The following UBE4B variants were observed in gnomAD, a reference collection of about 807,000 sequenced individuals.
The protein encoded by UBE4B is ubiquitin conjugation factor E4 B.
In UBE4B, 27 loss-of-function variants were observed where a neutral mutation model predicts 148.1. The ratio of observed to expected loss-of-function variants is 0.18; its 90% CI spans 0.13 to 0.25. The LOEUF is 0.25. Among genes scored for constraint, UBE4B ranks in the 10% least tolerant of loss-of-function variants. The probability of loss-of-function intolerance (pLI) is 1.00; values close to 1 mark genes in which losing one functional copy is unlikely to be tolerated. For missense variants in UBE4B, 1,170 were observed against 1,662.4 expected (o/e 0.70, Z 5.15); for synonymous variants, 596 against 619.3 (o/e 0.96, Z 0.56).
intron 17 of UBE4B, among the ~76,000 whole-genome samples, chr1:10,143,903 A>G (rs1398522313): frequency 1.3e-5 from 2 of 152,160 alleles, no homozygotes; most frequent in South Asian, 2.1e-4. Context: ...GGATCATGCA[A>G]TCACGCAGTC....
At chr1:10,059,476 G>A (rs1388595524) in intron 1 of UBE4B, 1 of 214,746 alleles carries the variant, frequency 4.7e-6, no homozygotes, top group South Asian at 8.4e-5. Flanking sequence ...TGGCACAGTC[G>A]AGCCTTGGGA....
intron 1 of UBE4B, among the ~76,000 whole-genome samples, chr1:10,044,664 C>A (rs1435639766): frequency 6.6e-6 from 1 of 152,060 alleles, no homozygotes; most frequent in African/African-American, 2.4e-5. Context: ...CTCACTGTAA[C>A]TCCACCGCTT....
chr1:10,159,448 G>A (rs1427439033), intron 22 of UBE4B, among the ~76,000 whole-genome samples: 4 of 152,150 alleles, frequency 2.6e-5, no homozygotes, highest in African/African-American at 4.8e-5. Flanking sequence ...CGAGCAGGGC[G>A]GATCAGGAGG....
chr1:10,085,546 G>A (rs1408547781), intron 2 of UBE4B, among the ~76,000 whole-genome samples: 1 of 152,116 alleles, frequency 6.6e-6, no homozygotes, highest in Non-Finnish European at 1.5e-5. Flanking sequence ...TTTTGATAGG[G>A]GATGCATAAT....
intron 1 of UBE4B, among the ~76,000 whole-genome samples, chr1:10,044,176 G>A (rs895626954): frequency 3.3e-5 from 5 of 152,058 alleles, no homozygotes; most frequent in Admixed American, 3.3e-4. Flanking sequence ...CTCCCGAGTA[G>A]CTGGGATTAT....
chr1:10,106,708 G>A lies in UBE4B; in HGVS notation c.1196+125G>A. On this transcript the variant is annotated intron_variant, in intron 7 of 27. Transcript: ENST00000343090. The surrounding 1 kb of genome is among the most constrained non-coding windows in gnomAD (Gnocchi z 4.2). ...TTGTTGTTTTGGGTTATTAACCTGT[G>A]TGGCTAACTAGTTTGGTAGGCACGT... 2.3e-6 allele frequency: 3 copies of A among 1,286,136 alleles called. No individual in the cohort carries two copies. Among genetic ancestry groups the A allele is most frequent in the Middle Eastern group, 2.8e-4 (1 of 3,622 alleles). The allele number at this position is 1,286,136 out of a possible 1,614,324, so 79.7% of individuals were successfully genotyped here.
chr1:10,096,868 G>A (rs1055211115), intron 3 of UBE4B, among the ~76,000 whole-genome samples: 4 of 151,858 alleles, frequency 2.6e-5, no homozygotes, highest in Non-Finnish European at 4.4e-5. Context: ...GTGAAACTCC[G>A]TCTCTACTAA....
chr1:10,072,778 C>T (rs1349972078), intron 2 of UBE4B: 2 of 297,320 alleles, frequency 6.7e-6, no homozygotes, highest in Non-Finnish European at 1.2e-5. Flanking sequence ...ATTTCTCATA[C>T]TGTGTATTTG....
At position 10,180,748 on chromosome 1, in the gene UBE4B, G is replaced by A. The variant is rs1249385328; in HGVS notation, c.*792G>A. The A allele has an allele frequency of 6.6e-6, 1 of 152,190 alleles. No individual in the cohort carries two copies. The highest frequency in any genetic ancestry group is 1.5e-5 in the Non-Finnish European group (1 of 68,014). 9.4% of individuals were successfully genotyped at this position (152,190 alleles called of 1,614,324 possible). A position where few individuals can be genotyped will look rare whatever the true frequency, so the allele number is the denominator to read the frequency against. Reference sequence around the variant, plus strand: ...GGAGCAGCTGCAGCAAAATCTAGGGGTGTAAGTGTATCAGGACTTATGTGA... The same window carrying A: ...GGAGCAGCTGCAGCAAAATCTAGGGATGTAAGTGTATCAGGACTTATGTGA... On this transcript the variant is annotated 3_prime_UTR_variant, in exon 28 of 28. Transcript: ENST00000343090.
Position 10,151,293 on chromosome 1 carries a change from G to A in UBE4B, c.2691-33G>A, listed in dbSNP as rs41280806. ...ATGAGTTTCTCAGCAGTTTCTCAGC[G>A]GTCTCTTTCTTGCTCTTCTTGCCTC... On this transcript the variant is annotated intron_variant, in intron 20 of 27. Coordinates refer to ENST00000343090, the MANE Select transcript of UBE4B (RefSeq NM_001105562.3). 0.022 allele frequency: 35,847 copies of A among 1,597,612 alleles called. 502 individuals are homozygous for A. The highest frequency in any genetic ancestry group is 0.027 in the Non-Finnish European group (31,445 of 1,168,108).
chr1:10,162,102 G>A (rs1272230619), intron 23 of UBE4B, among the ~76,000 whole-genome samples: 1 of 151,750 alleles, frequency 6.6e-6, no homozygotes, highest in Non-Finnish European at 1.5e-5. Context: ...CGGTTGAAGC[G>A]ATTTTCGTGC....
At chr1:10,138,985 ATTTGCTAATATTCTGT>A (rs1645741138) in intron 17 of UBE4B, among the ~76,000 whole-genome samples, 3 of 152,168 alleles carry the variant, frequency 2.0e-5, no homozygotes, top group African/African-American at 7.2e-5. Flanking sequence ...TGGATATACA[ATTTGCTAATATTCTGT>A]TTAGGATTTT....
chr1:10,112,891 T>C (rs1645245059), intron 7 of UBE4B, among the ~76,000 whole-genome samples: 1 of 152,194 alleles, frequency 6.6e-6, no homozygotes, highest in South Asian at 2.1e-4. Flanking sequence ...ATTATAATTT[T>C]GAAACACATT....
intron 3 of UBE4B, among the ~76,000 whole-genome samples, chr1:10,099,347 A>G (rs1417583654): frequency 2.6e-5 from 4 of 152,344 alleles, no homozygotes; most frequent in South Asian, 2.1e-4. Flanking sequence ...GCCAGCAACA[A>G]AAAGTTAGAA....
intron 7 of UBE4B, among the ~76,000 whole-genome samples, chr1:10,114,955 G>A (rs775600067): frequency 2.6e-5 from 4 of 152,110 alleles, no homozygotes; most frequent in Non-Finnish European, 5.9e-5. Flanking sequence ...CGAGGGCTTT[G>A]TAGGTGGCTT....
rs368686403 is a variant in UBE4B at position 10,105,770 on chromosome 1, T to C, written c.809+26T>C. The C allele has an allele frequency of 2.2e-4, 360 of 1,601,686 alleles. 3 individuals carry two copies. The highest frequency in any genetic ancestry group is 4.4e-4 in the South Asian group (40 of 90,880). On this transcript the variant is annotated intron_variant, in intron 6 of 27. Coordinates refer to ENST00000343090, the MANE Select transcript of UBE4B (RefSeq NM_001105562.3). ...GTCAGTGTGGTTCTCTTTGCACATC[T>C]TACTGGTAGTAAAATAACTGTGAAC...
intron 25 of UBE4B, among the ~76,000 whole-genome samples, chr1:10,174,061 C>T (rs1646377708): frequency 6.6e-6 from 1 of 152,194 alleles, no homozygotes; most frequent in Non-Finnish European, 1.5e-5. Flanking sequence ...GTGAAACAAA[C>T]ACACATGTGC....
At chr1:10,160,662 C>T (rs183835001) in intron 22 of UBE4B, among the ~76,000 whole-genome samples, 1 of 152,212 alleles carries the variant, frequency 6.6e-6, no homozygotes, top group African/African-American at 2.4e-5. Flanking sequence ...ATAACAAAAT[C>T]CAGGCCAGGT....
At chr1:10,094,309 G>A (rs1392252967) in intron 2 of UBE4B, among the ~76,000 whole-genome samples, 1 of 151,752 alleles carries the variant, frequency 6.6e-6, no homozygotes, top group African/African-American at 2.4e-5. Context: ...CTATATCAAA[G>A]GACATTGTTG....
Sources: gnomAD v4.1 joint callset for allele counts (sites outside exome capture counted in the v4.1 genomes callset) on GRCh38, gnomAD v4.1.1 for gene constraint, Gnocchi (gnomAD v3.1) non-coding constraint, MANE v1.5 for transcripts, NCBI Gene and HGNC (gene_info 2026-07-23, HGNC 2026-07-21) for gene names.